Variants in EPHB2 observed in about 807,000 individuals in gnomAD.
EPHB2 encodes ephrin type-B receptor 2.
A neutral mutation model predicts 96.4 loss-of-function variants in EPHB2; 18 were observed. The ratio of observed to expected loss-of-function variants is 0.19; its 90% confidence interval spans 0.13 to 0.28. The LOEUF is 0.28. Among genes scored for constraint, EPHB2 ranks in the 10% least tolerant of loss-of-function variants. The pLI is 1.00. For missense variants in EPHB2, 989 were observed against 1,355.4 expected (o/e 0.73, Z 4.25); for synonymous variants, 506 against 534.1 (o/e 0.95, Z 0.72).
At chr1:22,799,068 G>A (rs1404210190) in intron 3 of EPHB2, among the ~76,000 whole-genome samples, 2 of 152,160 alleles carry the variant, frequency 1.3e-5, no homozygotes, top group Admixed American at 6.5e-5. Context: ...AGGGTGCATT[G>A]ATTGAATAGT....
chr1:22,871,618 T>C (rs139897178), intron 5 of EPHB2, among the ~76,000 whole-genome samples: 1 of 152,234 alleles, frequency 6.6e-6, no homozygotes, highest in Non-Finnish European at 1.5e-5. Context: ...AGATGGACAG[T>C]ACATGGCAGC....
intron 3 of EPHB2, among the ~76,000 whole-genome samples, chr1:22,793,788 T>C (rs1644730346): frequency 6.6e-6 from 1 of 152,186 alleles, no homozygotes. Context: ...TTATTAGCTC[T>C]ATTTTACAAA....
Position 22,915,234 on chromosome 1 carries a change from C to G in EPHB2, c.*1664C>G, listed in dbSNP as rs1264368537. 1.3e-5 allele frequency: 2 copies of G among 152,196 alleles called. No homozygotes were observed. The highest frequency in any genetic ancestry group is 4.8e-5 in the African/African-American group (2 of 41,428). The allele number at this position is 152,196 out of a possible 1,614,324, so 9.4% of individuals were successfully genotyped here. ...ATGGGGACGCCCTCAGTCTAGGGAT[C>G]TGGCCACAGACTCCCTCCTGTGAAC... On this transcript the variant is annotated 3_prime_UTR_variant, in exon 16 of 16. Coordinates refer to ENST00000374630, the MANE Select transcript of EPHB2 (RefSeq NM_017449.5).
At chr1:22,769,604 TG>T (rs1252003326) in intron 1 of EPHB2, among the ~76,000 whole-genome samples, 1 of 152,078 alleles carries the variant, frequency 6.6e-6, no homozygotes, top group Non-Finnish European at 1.5e-5. Context: ...GACAGGGTTT[TG>T]TCATGTTGTT....
chr1:22,864,896 G>C lies in EPHB2; in HGVS notation c.987G>C (p.Gln329His), dbSNP rs779960189. The change falls in exon 5 of 16, where the codon CAG (glutamine) becomes CAC (histidine). Residue 329 changes from glutamine (Q) to histidine (H), a missense_variant. By Grantham distance (24) the Gln-to-His change is conservative (BLOSUM62 0). Transcript: ENST00000374630. ...MPCTTIPSAP[Q>H]AVISSVNETS... ...CCCCAGCCATCCCCTCCGCGCCCCA[G>C]GCTGTGATTTCCAGTGTCAATGAGA... is the stretch of plus-strand genomic sequence containing the variant. The C allele has an allele frequency of 6.2e-7, 1 of 1,602,458 alleles. No individual in the cohort carries two copies. Among genetic ancestry groups the C allele is most frequent in the South Asian group, 1.1e-5 (1 of 89,638 alleles).
In EPHB2 at chr1:22,913,530, T is replaced by C; in HGVS notation, c.2921T>C (p.Met974Thr). The C allele has an allele frequency of 6.2e-7, 1 of 1,614,176 alleles. No homozygotes were observed. The highest frequency in any genetic ancestry group is 1.1e-5 in the South Asian group (1 of 91,080). ...QKKILNSIQV[M>T]RAQMNQIQSV... ...AAAATCCTGAACAGTATCCAGGTGA[T>C]GCGGGCGCAGATGAACCAGATTCAG... is the stretch of plus-strand genomic sequence containing the variant. The change falls in exon 16 of 16, where the codon ATG becomes ACG. Residue 974 changes from methionine to threonine, a missense_variant. Physicochemically the swap from Met to Thr is moderately conservative, Grantham distance 81 (BLOSUM62 -1). Transcript: ENST00000374630. This position sits in a 1 kb window ranked among gnomAD's most constrained non-coding sequence, Gnocchi z 4.1.
chr1:22,840,703 C>A (rs143343186), intron 3 of EPHB2, among the ~76,000 whole-genome samples: 1 of 152,098 alleles, frequency 6.6e-6, no homozygotes, highest in African/African-American at 2.4e-5. Flanking sequence ...TCAAGCAATC[C>A]GCCCACCTTT....
In EPHB2 at chr1:22,733,606, G is replaced by T. The variant is rs1210704408; in HGVS notation, c.61+22563G>T. On this transcript the variant is annotated intron_variant, in intron 1 of 15. Coordinates refer to ENST00000374630, the MANE Select transcript of EPHB2 (RefSeq NM_017449.5). This position sits in a 1 kb window ranked among gnomAD's most constrained non-coding sequence, Gnocchi z 4.6. ...GCCATGCTGAATCCACCACTGTGAG[G>T]CAGGATTATTATTATTTTTGTTTTA... Among the ~76,000 whole-genome samples, 1 of 152,232 alleles carries T rather than the reference G, an allele frequency of 6.6e-6. No individual in the cohort carries two copies. Among genetic ancestry groups the T allele is most frequent in the Non-Finnish European group, 1.5e-5 (1 of 68,048 alleles).
intron 1 of EPHB2, among the ~76,000 whole-genome samples, chr1:22,740,628 C>A (rs996553838): frequency 1.3e-5 from 2 of 152,228 alleles, no homozygotes; most frequent in Non-Finnish European, 2.9e-5. Context: ...TCACCAGGGC[C>A]TCGTGTCCCA....
chr1:22,831,043 A>T (rs534838642), intron 3 of EPHB2, among the ~76,000 whole-genome samples: 2 of 152,330 alleles, frequency 1.3e-5, no homozygotes, highest in South Asian at 4.2e-4. Context: ...CTCCACGTTG[A>T]CTACCAGAGT....
At chr1:22,793,557 A>G (rs780504047) in intron 3 of EPHB2, among the ~76,000 whole-genome samples, 11 of 152,138 alleles carry the variant, frequency 7.2e-5, no homozygotes, top group African/African-American at 9.7e-5. Flanking sequence ...ATCCCCAGAC[A>G]AGGTGCAGCC....
At chr1:22,835,285 C>T (rs1645363667) in intron 3 of EPHB2, among the ~76,000 whole-genome samples, 1 of 152,154 alleles carries the variant, frequency 6.6e-6, no homozygotes, top group East Asian at 1.9e-4. Flanking sequence ...GAGGCTAAGG[C>T]CAGAGGGTCG....
At chr1:22,828,728 A>G (rs975133164) in intron 3 of EPHB2, among the ~76,000 whole-genome samples, 14 of 152,352 alleles carry the variant, frequency 9.2e-5, no homozygotes, top group African/African-American at 3.4e-4. Flanking sequence ...GGTTGTAATC[A>G]TAGAATTATA....
At chr1:22,888,382 C>T (rs1051279659) in intron 6 of EPHB2, among the ~76,000 whole-genome samples, 7 of 152,166 alleles carry the variant, frequency 4.6e-5, no homozygotes, top group Non-Finnish European at 8.8e-5. Context: ...TGGGAGCCAA[C>T]ATTTATTAAG....
chr1:22,830,836 T>C (rs1281719080), intron 3 of EPHB2, among the ~76,000 whole-genome samples: 1 of 152,198 alleles, frequency 6.6e-6, no homozygotes, highest in African/African-American at 2.4e-5. Context: ...ATTACAGGCA[T>C]GAGCCACCGC....
intron 9 of EPHB2, among the ~76,000 whole-genome samples, chr1:22,899,193 CAAAAAAAA>C (rs34967134): frequency 8.7e-6 from 1 of 115,146 alleles, no homozygotes; most frequent in Non-Finnish European, 1.8e-5. Flanking sequence ...AACGCCATCT[CAAAAAAAA>C]AAAAAAAAAA....
Position 22,919,745 on chromosome 1 carries a change from C to T in EPHB2, c.*6175C>T, listed in dbSNP as rs1010298829. 9 of 152,330 alleles carry T rather than the reference C, an allele frequency of 5.9e-5. No homozygotes were observed. The highest frequency in any genetic ancestry group is 3.3e-4 in the Admixed American group (5 of 15,288). The allele number at this position is 152,330 out of a possible 1,614,324, so 9.4% of individuals were successfully genotyped here. A position where few individuals can be genotyped will look rare whatever the true frequency, so the allele number is the denominator to read the frequency against. On this transcript the variant is annotated 3_prime_UTR_variant, in exon 16 of 16. Transcript: ENST00000374630. ...GAGGTCACAGCCAGGACCACATACA[C>T]TCTTGGGGGCCCTGCTGAGACTGCA...
At chr1:22,814,202 C>A (rs1378865771) in intron 3 of EPHB2, among the ~76,000 whole-genome samples, 1 of 152,096 alleles carries the variant, frequency 6.6e-6, no homozygotes, top group Non-Finnish European at 1.5e-5. Context: ...AAATGATACT[C>A]ACCACATGGA....
At chr1:22,757,821 C>T (rs940846682) in intron 1 of EPHB2, among the ~76,000 whole-genome samples, 13 of 151,334 alleles carry the variant, frequency 8.6e-5, no homozygotes, top group Non-Finnish European at 1.6e-4. Context: ...CATGATTGTG[C>T]CACTGCACTC....
Sources: allele counts gnomAD v4.1 joint callset (sites outside exome capture counted in the v4.1 genomes callset), GRCh38; gene constraint gnomAD v4.1.1; non-coding constraint Gnocchi (gnomAD v3.1); transcripts MANE v1.5; gene names NCBI Gene and HGNC (gene_info 2026-07-23, HGNC 2026-07-21).